MTR: variants seen among roughly 807,000 people sequenced by gnomAD.
MTR encodes methionine synthase.
A neutral mutation model predicts 154.8 loss-of-function variants in MTR; 84 were observed. The ratio of observed to expected loss-of-function variants is 0.54; its 90% CI spans 0.45 to 0.65. The LOEUF (loss-of-function observed/expected upper bound fraction) is 0.65, where lower values mean the gene tolerates loss of function less well. MTR is among the 30% of genes least tolerant of loss of function. The pLI, the probability that MTR is intolerant of heterozygous loss-of-function variation, is 0.00. For synonymous variants in MTR, 554 were observed against 553.9 expected (o/e 1.00, Z 0.00); for missense variants, 1,275 against 1,570.2 (o/e 0.81, Z 3.18).
At chr1:236,830,119 A>G (rs1236280207) in intron 12 of MTR, among the ~76,000 whole-genome samples, 1 of 152,212 alleles carries the variant, frequency 6.6e-6, no homozygotes, top group African/African-American at 2.4e-5. Context: ...ATAGCACAGA[A>G]TTAATCCCAA....
intron 21 of MTR, among the ~76,000 whole-genome samples, 171 bp downstream of exon 21, chr1:236,862,514 C>G (rs1281824266): frequency 6.6e-6 from 1 of 152,162 alleles, no homozygotes; most frequent in Non-Finnish European, 1.5e-5. Context: ...TACTCTGGGA[C>G]TTTCTTTTGA....
At chr1:236,890,442 C>T (rs1461935837) in intron 28 of MTR, among the ~76,000 whole-genome samples, 1 of 152,174 alleles carries the variant, frequency 6.6e-6, no homozygotes, top group African/African-American at 2.4e-5. Flanking sequence ...CCCCTTACCA[C>T]TAACGTTCCC....
rs1411748840 is a variant in MTR at position 236,812,806 on chromosome 1, T to G, written c.571T>G (p.Leu191Val). 1 of 1,614,096 alleles carries G rather than the reference T, an allele frequency of 6.2e-7. No individual in the cohort carries two copies. The highest frequency in any genetic ancestry group is 1.1e-5 in the South Asian group (1 of 91,074). ...KGLLDGGVDI[L>V]LIETIFDTAN... is the part of the protein sequence containing the mutation. ...ACTTCTGGATGGCGGGGTTGATATC[T>G]TACTCATTGAAACTATTTTTGATAC... The change falls in exon 6 of 33, where the codon TTA (leucine) becomes GTA (valine). Residue 191 changes from leucine (L) to valine (V), a missense_variant. Leu to Val is a conservative substitution (Grantham distance 32). Transcript: ENST00000366577.
chr1:236,891,231 C>G lies in MTR; in HGVS notation c.3106C>G (p.Pro1036Ala). ...LRARGVVGFW[P>A]AQSIQDDIHL... ...GGCCCGGGGTGTGGTTGGGTTCTGG[C>G]CAGCACAGAGTATCCAAGACGACAT... Residue 1036 changes from proline to alanine, a missense_variant, in exon 29 of 33, where the codon CCA becomes GCA. Transcript: ENST00000366577. The G allele has an allele frequency of 6.2e-7, 1 of 1,614,088 alleles. No individual in the cohort carries two copies. Among genetic ancestry groups the G allele is most frequent in the Non-Finnish European group, 8.5e-7 (1 of 1,180,010 alleles).
In MTR at chr1:236,873,929, A is replaced by T. The variant is rs573989269; in HGVS notation, c.2473+89A>T. 6.1e-5 allele frequency: 78 copies of T among 1,282,918 alleles called. No individual in the cohort carries two copies. The East Asian group carries it at 1.8e-3, about 30-fold the overall frequency. 79.5% of individuals were successfully genotyped at this position (1,282,918 alleles called of 1,614,324 possible). ...CCTAGTTGTCTGTCAGTGAATAGTG[A>T]TGCCCCATGAGGGTTCTGTGGGACA... is the stretch of plus-strand genomic sequence containing the variant. On this transcript the variant is annotated intron_variant, in intron 23 of 32. Coordinates refer to ENST00000366577, the MANE Select transcript of MTR (RefSeq NM_000254.3).
Position 236,795,698 on chromosome 1 carries a change from G to C in MTR, c.-6G>C, listed in dbSNP as rs183719210. ...CGCCCTCTGCGCAAGGAGGAGACTC[G>C]ACAACATGTCACCCGCGCTCCAAGA... On this transcript the variant is annotated 5_prime_UTR_variant, in exon 1 of 33. Transcript: ENST00000366577. 2,657 of 1,614,124 alleles carry C rather than the reference G, an allele frequency of 1.6e-3. 7 individuals carry two copies. The highest frequency in any genetic ancestry group is 3.6e-3 in the Middle Eastern group (22 of 6,062).
chr1:236,864,619 T>G (rs1263005424), intron 22 of MTR, among the ~76,000 whole-genome samples: 1 of 152,248 alleles, frequency 6.6e-6, no homozygotes, highest in Non-Finnish European at 1.5e-5. Context: ...AGAGATAAAT[T>G]TATTGAAGAT....
At chr1:236,844,855 G>A (rs1183242659) in intron 15 of MTR, among the ~76,000 whole-genome samples, 2 of 152,158 alleles carry the variant, frequency 1.3e-5, no homozygotes, top group Non-Finnish European at 2.9e-5. Context: ...AACTAGGAGT[G>A]CAAAGCAGAC....
intron 24 of MTR, among the ~76,000 whole-genome samples, chr1:236,880,333 T>C (rs1665657098): frequency 6.6e-6 from 1 of 152,154 alleles, no homozygotes; most frequent in South Asian, 2.1e-4. Flanking sequence ...ATATCCTGTG[T>C]CCTCTGCCTG....
intron 30 of MTR, chr1:236,894,773 GAAT>G: frequency 1.7e-6 from 1 of 588,654 alleles, no homozygotes; most frequent in Non-Finnish European, 3.0e-6. Context: ...GAAAAACCTT[GAAT>G]GGTGCCACAG....
At chr1:236,892,787 A>G (rs1049657853) in intron 29 of MTR, among the ~76,000 whole-genome samples, 8 of 152,314 alleles carry the variant, frequency 5.3e-5, no homozygotes, top group African/African-American at 1.9e-4. Context: ...TAACTGTTCA[A>G]AAACCTCTGC....
At chr1:236,828,286 A>G (rs918728686) in intron 11 of MTR, among the ~76,000 whole-genome samples, 1 of 152,190 alleles carries the variant, frequency 6.6e-6, no homozygotes, top group African/African-American at 2.4e-5. Context: ...CTAAATGATA[A>G]TTTTAAAAAT....
chr1:236,795,625 C>A lies in MTR; in HGVS notation c.-79C>A. On this transcript the variant is annotated 5_prime_UTR_variant, in exon 1 of 33. Coordinates refer to ENST00000366577, the MANE Select transcript of MTR (RefSeq NM_000254.3). ...GGCAGGCTCGCCTGGCGCTGGCTGG[C>A]GTGGCCCTTGGCCGTCGTCACCTGT... 2 of 1,605,602 alleles carry A rather than the reference C, an allele frequency of 1.2e-6. No homozygotes were observed. The highest frequency in any genetic ancestry group is 1.3e-5 in the African/African-American group (1 of 74,960).
At chr1:236,835,086 A>G (rs533100423) in intron 13 of MTR, among the ~76,000 whole-genome samples, 1 of 152,164 alleles carries the variant, frequency 6.6e-6, no homozygotes, top group South Asian at 2.1e-4. Context: ...TTCTCTAAGG[A>G]CTTTTTTTGG....
intron 2 of MTR, 49 bp from the exon 3 acceptor site, chr1:236,806,095 C>T: frequency 6.7e-7 from 1 of 1,481,670 alleles, no homozygotes; most frequent in Non-Finnish European, 9.4e-7. Flanking sequence ...ATTCTGGGGG[C>T]ACAAGAAACT....
At chr1:236,861,489 A>G (rs1266221391) in intron 20 of MTR, among the ~76,000 whole-genome samples, 1 of 152,100 alleles carries the variant, frequency 6.6e-6, no homozygotes, top group Non-Finnish European at 1.5e-5. Flanking sequence ...AATTCTTAGC[A>G]TCATAATCTA....
In MTR at chr1:236,835,609, G is replaced by A; in HGVS notation, c.1251G>A (p.Met417Ile). 1 of 1,610,844 alleles carries A rather than the reference G, an allele frequency of 6.2e-7. No homozygotes were observed. Among genetic ancestry groups the A allele is most frequent in the Non-Finnish European group, 8.5e-7 (1 of 1,179,404 alleles). ...GAGCCCAGGTGTTGGATGTCAACAT[G>A]GATGATGGCATGCTAGATGGTCCAA... Reference protein sequence around the residue: ...EMGAQVLDVNMDDGMLDGPSA... With the variant: ...EMGAQVLDVNIDDGMLDGPSA... Residue 417 changes from methionine (M) to isoleucine (I), a missense_variant, in exon 14 of 33, where the codon ATG (methionine) becomes ATA (isoleucine). By Grantham distance (10) the Met-to-Ile change is conservative. Coordinates refer to ENST00000366577, the MANE Select transcript of MTR (RefSeq NM_000254.3).
In MTR at chr1:236,795,408, G is replaced by A. The variant is rs1028815365; in HGVS notation, c.-296G>A. On this transcript the variant is annotated 5_prime_UTR_variant, in exon 1 of 33. Transcript: ENST00000366577. ...CTTTTCCGTGCCGTCCCGCGACTCC[G>A]CCTCTGGCCGCGCGTGTCTGGCTGC... is the stretch of plus-strand genomic sequence containing the variant. 9.6e-6 allele frequency: 14 copies of A among 1,450,788 alleles called. No homozygotes were observed. In the African/African-American group the frequency reaches 9.8e-5, roughly 10 times the overall value. 89.9% of individuals were successfully genotyped at this position (1,450,788 alleles called of 1,614,324 possible).
At chr1:236,871,317 A>G (rs975977412) in intron 22 of MTR, among the ~76,000 whole-genome samples, 1 of 119,870 alleles carries the variant, frequency 8.3e-6, no homozygotes, top group Non-Finnish European at 1.8e-5. Context: ...CCTCCTCTGA[A>G]CTTATCACCC....
Sources: gnomAD v4.1 joint callset for allele counts (sites outside exome capture counted in the v4.1 genomes callset) on GRCh38, gnomAD v4.1.1 for gene constraint, MANE v1.5 for transcripts, NCBI Gene and HGNC (gene_info 2026-07-23, HGNC 2026-07-21) for gene names.